Variants in TGM3 observed in about 807,000 individuals in gnomAD.
TGM3 encodes the protein protein-glutamine gamma-glutamyltransferase E.
In TGM3, 52 loss-of-function variants were observed where a neutral mutation model predicts 73.8. The ratio of observed to expected loss-of-function variants is 0.70; its 90% CI spans 0.56 to 0.89. The LOEUF is 0.89. TGM3 is among the 40% of genes least tolerant of loss of function. The probability of loss-of-function intolerance (pLI) is 0.00; values close to 1 mark genes in which losing one functional copy is unlikely to be tolerated. For missense variants in TGM3, 928 were observed against 909.9 expected (o/e 1.02, Z -0.26); for synonymous variants, 372 against 354.9 (o/e 1.05, Z -0.54).
chr20:2,339,751 T>G, intron 11 of TGM3, 103 bp from the exon 12 acceptor site: 105 of 1,508,520 alleles, frequency 7.0e-5, no homozygotes, highest in Non-Finnish European at 9.3e-5. Context: ...TCATCCTCAG[T>G]GACATCACCC....
At position 2,332,362 on chromosome 20, in the gene TGM3, C is replaced by T. The variant is rs1293381632; in HGVS notation, c.1642+52C>T. The T allele has an allele frequency of 1.3e-5, 20 of 1,493,120 alleles. No homozygotes were observed. The highest frequency in any genetic ancestry group is 1.8e-5 in the Non-Finnish European group (20 of 1,119,324). 92.5% of individuals were successfully genotyped at this position (1,493,120 alleles called of 1,614,324 possible). On this transcript the variant is annotated intron_variant, in intron 10 of 12. Coordinates refer to ENST00000381458, the MANE Select transcript of TGM3 (RefSeq NM_003245.4). This position sits in a 1 kb window ranked among gnomAD's most constrained non-coding sequence, Gnocchi z 4.4. ...TCCACGAATCCGAGGTAGCCAATGG[C>T]CTTCTGGGGCTGCAGGGTGTCTGCT...
At chr20:2,325,501 A>G (rs1464435644) in intron 7 of TGM3, among the ~76,000 whole-genome samples, 1 of 152,148 alleles carries the variant, frequency 6.6e-6, no homozygotes, top group Non-Finnish European at 1.5e-5. Context: ...GCTGGCTCCA[A>G]TCTGGATTCG....
intron 1 of TGM3, among the ~76,000 whole-genome samples, chr20:2,309,373 C>G (rs1313022706): frequency 6.6e-6 from 1 of 152,190 alleles, no homozygotes; most frequent in Non-Finnish European, 1.5e-5. Context: ...GCTGTGGGAA[C>G]AGGATGCACA....
chr20:2,338,390 C>T (rs1283534485), intron 11 of TGM3, among the ~76,000 whole-genome samples: 1 of 152,060 alleles, frequency 6.6e-6, no homozygotes, highest in African/African-American at 2.4e-5. Context: ...AATTAAATAT[C>T]ACCATGAAAA....
At chr20:2,312,337 C>T (rs947363127) in intron 4 of TGM3, among the ~76,000 whole-genome samples, 3 of 133,628 alleles carry the variant, frequency 2.2e-5, no homozygotes, top group African/African-American at 5.4e-5. Context: ...GTGGAGGTCA[C>T]GATGAGCCGA....
rs1429082978 is a variant in TGM3, at chr20:2,310,434, C to T, written c.421+17C>T. On this transcript the variant is annotated intron_variant, in intron 3 of 12. Coordinates refer to ENST00000381458, the MANE Select transcript of TGM3 (RefSeq NM_003245.4). ...GGCTGAATGGTAGGTGTCTAGCCAC[C>T]CACACTCTCAGCCCTGGCCTAAGCT... The T allele has an allele frequency of 8.7e-6, 14 of 1,613,312 alleles. No homozygotes were observed. The highest frequency in any genetic ancestry group is 1.2e-5 in the Non-Finnish European group (14 of 1,179,524).
chr20:2,335,640 G>T (rs2084346091), intron 11 of TGM3, among the ~76,000 whole-genome samples: 1 of 152,026 alleles, frequency 6.6e-6, no homozygotes, highest in African/African-American at 2.4e-5. Flanking sequence ...GCCATGCCAG[G>T]CTTGAGATCT....
At chr20:2,339,291 T>G (rs2084367655) in intron 11 of TGM3, among the ~76,000 whole-genome samples, 1 of 152,084 alleles carries the variant, frequency 6.6e-6, no homozygotes, top group Non-Finnish European at 1.5e-5. Flanking sequence ...GGTTCAAGCT[T>G]TAAGGGAAGA....
intron 5 of TGM3, among the ~76,000 whole-genome samples, chr20:2,314,721 C>CAA (rs147426241): frequency 6.7e-6 from 1 of 149,758 alleles, no homozygotes; most frequent in Admixed American, 6.6e-5. Flanking sequence ...AGCCTATCTC[C>CAA]AAAAAAAAAG....
In TGM3 at chr20:2,328,020, G is replaced by A; in HGVS notation, c.1088-100G>A. ...GGGGTGAAGGAATTTGGGCGGGGCA[G>A]AGGCAGGGGGTTGCAGTGGTCCTGG... On this transcript the variant is annotated intron_variant, in intron 8 of 12. Transcript: ENST00000381458. The surrounding 1 kb of genome is among the most constrained non-coding windows in gnomAD (Gnocchi z 5.2). The A allele has an allele frequency of 6.5e-7, 1 of 1,546,148 alleles. No individual in the cohort carries two copies. The highest frequency in any genetic ancestry group is 8.8e-7 in the Non-Finnish European group (1 of 1,135,058).
At chr20:2,298,643 C>T (rs1196265290) in intron 1 of TGM3, among the ~76,000 whole-genome samples, 1 of 152,226 alleles carries the variant, frequency 6.6e-6, no homozygotes, top group East Asian at 1.9e-4. Context: ...CTGGGTCTAC[C>T]ACCAAACCGT....
At chr20:2,321,751 C>T (rs1666785481) in intron 7 of TGM3, among the ~76,000 whole-genome samples, 1 of 152,254 alleles carries the variant, frequency 6.6e-6, no homozygotes, top group Admixed American at 6.5e-5. Flanking sequence ...TGGGAGACAG[C>T]GTGGCACACA....
At chr20:2,307,086 C>CT (rs2084180097) in intron 1 of TGM3, among the ~76,000 whole-genome samples, 1 of 152,170 alleles carries the variant, frequency 6.6e-6, no homozygotes, top group Admixed American at 6.5e-5. Context: ...GCACAAATGT[C>CT]TCAGTTTCCC....
intron 9 of TGM3, among the ~76,000 whole-genome samples, chr20:2,329,421 G>A (rs951572198): frequency 6.6e-6 from 1 of 152,144 alleles, no homozygotes; most frequent in African/African-American, 2.4e-5. Context: ...TTATGAGATT[G>A]GTGGCCTCAA....
chr20:2,315,077 C>A (rs2084226132), intron 5 of TGM3, among the ~76,000 whole-genome samples: 1 of 152,118 alleles, frequency 6.6e-6, no homozygotes, highest in Non-Finnish European at 1.5e-5. Context: ...ATCTTGAAAC[C>A]AAATGGCCTG....
chr20:2,334,427 G>T lies in TGM3; in HGVS notation c.1643-689G>T, dbSNP rs2084337061. ...ACGAAAAACAGCTTTCCAAAGCTTT[G>T]TCTGGCTGGTGTGTGGATGATTTAG... On this transcript the variant is annotated intron_variant, in intron 10 of 12. Coordinates refer to ENST00000381458, the MANE Select transcript of TGM3 (RefSeq NM_003245.4). This position sits in a 1 kb window ranked among gnomAD's most constrained non-coding sequence, Gnocchi z 4.0. Among the ~76,000 whole-genome samples, 1 of 152,186 alleles carries T rather than the reference G, an allele frequency of 6.6e-6. No homozygotes were observed. The highest frequency in any genetic ancestry group is 1.5e-5 in the Non-Finnish European group (1 of 68,042).
At chr20:2,314,642 G>C (rs1344397595) in intron 5 of TGM3, among the ~76,000 whole-genome samples, 1 of 151,554 alleles carries the variant, frequency 6.6e-6, no homozygotes, top group Non-Finnish European at 1.5e-5. Flanking sequence ...AATTGCATGA[G>C]TCCGTTAGTT....
chr20:2,330,249 G>C (rs867066447), intron 9 of TGM3, among the ~76,000 whole-genome samples: 19 of 152,326 alleles, frequency 1.2e-4, no homozygotes, highest in Middle Eastern at 3.4e-3. Flanking sequence ...AAAACAGCAG[G>C]AGGAAGCTTA....
intron 1 of TGM3, among the ~76,000 whole-genome samples, chr20:2,304,697 G>T (rs2122212092): frequency 6.6e-6 from 1 of 152,250 alleles, no homozygotes; most frequent in African/African-American, 2.4e-5. Context: ...TGTGGGGTTT[G>T]TTCTCATACC....
Sources: gnomAD v4.1 joint callset for allele counts (sites outside exome capture counted in the v4.1 genomes callset) on GRCh38, gnomAD v4.1.1 for gene constraint, Gnocchi (gnomAD v3.1) non-coding constraint, MANE v1.5 for transcripts, NCBI Gene and HGNC (gene_info 2026-07-23, HGNC 2026-07-21) for gene names.